Variants in CTNNA3 observed in about 807,000 individuals in gnomAD.
The protein encoded by CTNNA3 is catenin alpha-3.
CTNNA3 carries 76 observed loss-of-function variants against 95.7 expected under a neutral mutation model. The observed-to-expected ratio is 0.79, with a 90% confidence interval of 0.66 to 0.96. The LOEUF (loss-of-function observed/expected upper bound fraction) is 0.96, where lower values mean the gene tolerates loss of function less well. Ranked by LOEUF, CTNNA3 falls within the 40% of genes least tolerant of loss-of-function variation. The pLI is 0.00. For synonymous variants in CTNNA3, 431 were observed against 374.4 expected (o/e 1.15, Z -1.74); for missense variants, 1,191 against 1,089.8 (o/e 1.09, Z -1.31).
chr10:65,946,665 G>A (rs1379142833), intron 17 of CTNNA3, among the ~76,000 whole-genome samples: 1 of 151,996 alleles, frequency 6.6e-6, no homozygotes, highest in Non-Finnish European at 1.5e-5. Context: ...AATTTTCTGT[G>A]AAATTCTTTA....
In CTNNA3 at chr10:66,637,583, C is replaced by G. The variant is rs552348779; in HGVS notation, c.1282-15799G>C. The stretch of plus-strand genomic sequence containing the variant: ...TCAGCCTCTGAAGAAAGAAATCCCA[C>G]AGCATTCTGGCTTTGCTCAGTGTAT... On this transcript the variant is annotated intron_variant, in intron 9 of 17. Transcript: ENST00000433211. Among the ~76,000 whole-genome samples the G allele has an allele frequency of 6.2e-4, 94 of 152,338 alleles. 1 individual carries two copies. Among genetic ancestry groups the G allele is most frequent in the Non-Finnish European group, 1.1e-3 (75 of 68,026 alleles).
intron 1 of CTNNA3, among the ~76,000 whole-genome samples, chr10:67,711,386 AATG>A (rs1841107435): frequency 6.6e-6 from 1 of 152,136 alleles, no homozygotes; most frequent in South Asian, 2.1e-4. Flanking sequence ...CTTTGACCAA[AATG>A]ATGATAATGA....
intron 10 of CTNNA3, among the ~76,000 whole-genome samples, chr10:66,557,478 T>C (rs1842426359): frequency 1.3e-5 from 2 of 152,140 alleles, no homozygotes; most frequent in South Asian, 2.1e-4. Context: ...GTCAAAAACA[T>C]TGTGAATATA....
chr10:67,525,283 C>A (rs905699537), intron 4 of CTNNA3, among the ~76,000 whole-genome samples: 4 of 151,820 alleles, frequency 2.6e-5, no homozygotes, highest in African/African-American at 9.7e-5. Context: ...TATCCCTAAG[C>A]CCAGCACTTG....
rs548229296 is a variant in CTNNA3, at chr10:67,146,505, G to C, written c.1047+33812C>G. ...GCATATTATAGCCACACATATTATAGCACTCACATAAACCCATCTCAGAGA... is the reference window on the plus strand; with the variant it reads ...GCATATTATAGCCACACATATTATACCACTCACATAAACCCATCTCAGAGA... On this transcript the variant is annotated intron_variant, in intron 7 of 17. Coordinates refer to ENST00000433211, the MANE Select transcript of CTNNA3 (RefSeq NM_013266.4). Among the ~76,000 whole-genome samples, 4 of 152,200 alleles carry C rather than the reference G, an allele frequency of 2.6e-5. No individual in the cohort carries two copies. The East Asian group carries it at 7.7e-4, about 29-fold the overall frequency.
chr10:67,410,993 A>G (rs763154013), intron 5 of CTNNA3, among the ~76,000 whole-genome samples: 12 of 152,172 alleles, frequency 7.9e-5, no homozygotes, highest in Non-Finnish European at 1.2e-4. Flanking sequence ...TGTGGAATCC[A>G]GAAAAGTCAA....
At chr10:66,121,467 TAC>T (rs5785750) in intron 13 of CTNNA3, among the ~76,000 whole-genome samples, 6 of 151,274 alleles carry the variant, frequency 4.0e-5, no homozygotes, top group South Asian at 2.1e-4. Context: ...ACAACATACA[TAC>T]ACACACACAC....
intron 5 of CTNNA3, among the ~76,000 whole-genome samples, chr10:67,413,099 C>T (rs1244756322): frequency 6.6e-6 from 1 of 152,022 alleles, no homozygotes; most frequent in African/African-American, 2.4e-5. Context: ...TTCAAGAGAC[C>T]CATCTTACAT....
At chr10:66,025,626 C>T (rs1375036378) in intron 15 of CTNNA3, among the ~76,000 whole-genome samples, 1 of 152,110 alleles carries the variant, frequency 6.6e-6, no homozygotes, top group East Asian at 1.9e-4. Flanking sequence ...AATTCATACA[C>T]CCTAAGCAGC....
At chr10:65,983,080 T>C (rs1403885767) in intron 16 of CTNNA3, among the ~76,000 whole-genome samples, 1 of 151,752 alleles carries the variant, frequency 6.6e-6, no homozygotes, top group African/African-American at 2.4e-5. Flanking sequence ...TTTATATTTC[T>C]TTACTTTGGT....
intron 13 of CTNNA3, among the ~76,000 whole-genome samples, chr10:66,112,864 TTCA>T (rs1454049908): frequency 6.6e-6 from 1 of 152,170 alleles, no homozygotes; most frequent in Non-Finnish European, 1.5e-5. Context: ...TAGTTACCCT[TTCA>T]TCTGTCAATG....
chr10:67,224,781 G>C (rs542039081), intron 5 of CTNNA3, among the ~76,000 whole-genome samples: 2 of 152,310 alleles, frequency 1.3e-5, no homozygotes, highest in African/African-American at 4.8e-5. Context: ...AGGGCAGCCA[G>C]AGAAGCAGGG....
At chr10:66,128,835 G>T (rs2082949297) in intron 13 of CTNNA3, among the ~76,000 whole-genome samples, 1 of 152,124 alleles carries the variant, frequency 6.6e-6, no homozygotes, top group African/African-American at 2.4e-5. Flanking sequence ...TACCCACTCT[G>T]GTGGAGGATG....
At chr10:67,084,014 AG>A (rs1857180688) in intron 7 of CTNNA3, among the ~76,000 whole-genome samples, 1 of 152,150 alleles carries the variant, frequency 6.6e-6, no homozygotes, top group African/African-American at 2.4e-5. Context: ...AGTTCAAGGA[AG>A]AGGTTCGTTG....
chr10:66,596,263 A>G lies in CTNNA3; in HGVS notation c.1374+25429T>C, dbSNP rs1338704343. ...GTCTCCACTAGGATCTCTACCCATG[A>G]CCCCTGTGGACTCCCCCAGCTAACT... On this transcript the variant is annotated intron_variant, in intron 10 of 17. Coordinates refer to ENST00000433211, the MANE Select transcript of CTNNA3 (RefSeq NM_013266.4). 2.0e-5 allele frequency among the ~76,000 whole-genome samples: 3 copies of G among 152,078 alleles called. No individual in the cohort carries two copies. In the East Asian group the frequency reaches 5.8e-4, roughly 30 times the overall value.
intron 5 of CTNNA3, among the ~76,000 whole-genome samples, chr10:67,484,755 C>T (rs1439698478): frequency 6.6e-6 from 1 of 152,044 alleles, no homozygotes. Context: ...CAATGGGACA[C>T]CACCTCACAG....
chr10:66,029,927 T>C (rs1247390467), intron 15 of CTNNA3, among the ~76,000 whole-genome samples: 1 of 152,198 alleles, frequency 6.6e-6, no homozygotes, highest in African/African-American at 2.4e-5. Flanking sequence ...ATGTTCATAG[T>C]CCAAATAATA....
intron 13 of CTNNA3, among the ~76,000 whole-genome samples, chr10:66,260,073 C>T (rs1294428223): frequency 1.3e-5 from 2 of 152,026 alleles, no homozygotes; most frequent in Non-Finnish European, 2.9e-5. Flanking sequence ...ATTGTCTCTC[C>T]CAAAGCACAG....
At chr10:66,005,143 CCTT>C (rs2078854362) in intron 15 of CTNNA3, among the ~76,000 whole-genome samples, 1 of 152,016 alleles carries the variant, frequency 6.6e-6, no homozygotes, top group Non-Finnish European at 1.5e-5. Flanking sequence ...ACACTTATGT[CCTT>C]CTCCTTTCTG....
Sources: gnomAD v4.1 joint callset for allele counts (sites outside exome capture counted in the v4.1 genomes callset) on GRCh38, gnomAD v4.1.1 for gene constraint, MANE v1.5 for transcripts, NCBI Gene and HGNC (gene_info 2026-07-23, HGNC 2026-07-21) for gene names.